The following SUN1 variants were observed in gnomAD, a reference collection of about 807,000 sequenced individuals.
SUN1 encodes the protein SUN domain-containing protein 1.
SUN1 carries 61 observed loss-of-function variants against 103.2 expected under a neutral mutation model. The ratio of observed to expected loss-of-function variants is 0.59; its 90% CI spans 0.48 to 0.73. SUN1 has a LOEUF of 0.73. Ranked by LOEUF, SUN1 falls within the 30% of genes least tolerant of loss-of-function variation. The pLI, the probability that SUN1 is intolerant of heterozygous loss-of-function variation, is 0.00. For synonymous variants in SUN1, 490 were observed against 425.7 expected (o/e 1.15, Z -1.86); for missense variants, 1,052 against 1,034.6 (o/e 1.02, Z -0.23).
chr7:827,475 T>TTTG (rs1793398613), intron 1 of SUN1, among the ~76,000 whole-genome samples: 2 of 142,880 alleles, frequency 1.4e-5, no homozygotes, highest in African/African-American at 5.1e-5. Flanking sequence ...CGTTTTTTTT[T>TTTG]TTTTTTTTTT....
intron 1 of SUN1, chr7:816,691 C>G: frequency 5.4e-6 from 1 of 184,480 alleles, no homozygotes; most frequent in Non-Finnish European, 1.1e-5. Context: ...CCCGGCGGGC[C>G]GGGCCAAGGG....
chr7:816,142 A>G, upstream of SUN1: 1 of 227,848 alleles, frequency 4.4e-6, no homozygotes, highest in Non-Finnish European at 7.4e-6. Context: ...CCCCTCCCCA[A>G]CGTAGACCGC....
intron 5 of SUN1, among the ~76,000 whole-genome samples, chr7:847,338 G>T (rs1229722274): frequency 6.6e-6 from 1 of 150,786 alleles, no homozygotes; most frequent in Admixed American, 6.6e-5. Flanking sequence ...TCCCCTGGGG[G>T]TTACCCCGCA....
intron 1 of SUN1, among the ~76,000 whole-genome samples, chr7:824,565 T>A (rs958843039): frequency 1.3e-5 from 2 of 152,256 alleles, no homozygotes; most frequent in African/African-American, 4.8e-5. Flanking sequence ...GCTGAAACAC[T>A]GTGATGACCA....
At position 873,118 on chromosome 7, in the gene SUN1, C is replaced by T. The variant is rs4722034; in HGVS notation, c.2242-97C>T. 870,989 of 1,127,236 alleles carry T rather than the reference C, an allele frequency of 0.77. 337,676 individuals carry two copies. Among genetic ancestry groups the T allele is most frequent in the Admixed American group, 0.86 (48,078 of 55,676 alleles). 69.8% of individuals were successfully genotyped at this position (1,127,236 alleles called of 1,614,324 possible). ...AACAACAAAAGGTTAATTTCCAACTCAGCTGCTTCCTGTCAGACGTCATAT... is the reference window on the plus strand; with the variant it reads ...AACAACAAAAGGTTAATTTCCAACTTAGCTGCTTCCTGTCAGACGTCATAT... On this transcript the variant is annotated intron_variant, in intron 18 of 18. Coordinates refer to ENST00000401592, the MANE Select transcript of SUN1 (RefSeq NM_001130965.3).
chr7:865,924 CTG>C, intron 15 of SUN1, 26 bp from the exon 16 acceptor site: 1 of 1,601,184 alleles, frequency 6.2e-7, no homozygotes, highest in Non-Finnish European at 8.6e-7. Context: ...GAACTGGACA[CTG>C]AGACCGATCT....
intron 1 of SUN1, among the ~76,000 whole-genome samples, chr7:827,036 T>C (rs1283240015): frequency 1.3e-5 from 2 of 152,202 alleles, no homozygotes; most frequent in Non-Finnish European, 2.9e-5. Flanking sequence ...TTTGTTTTTG[T>C]TTTTGAGATG....
intron 1 of SUN1, among the ~76,000 whole-genome samples, chr7:835,259 G>T (rs995451889): frequency 6.6e-6 from 1 of 152,196 alleles, no homozygotes; most frequent in Non-Finnish European, 1.5e-5. Flanking sequence ...TCCCCAGCCC[G>T]CTGTCCTGCA....
At chr7:842,698 G>T in intron 3 of SUN1, 1 of 190,664 alleles carries the variant, frequency 5.2e-6, no homozygotes, top group Non-Finnish European at 1.1e-5. Context: ...GCATGGTAAG[G>T]GGCGCCCAGC....
chr7:822,089 A>T (rs1323492058), intron 1 of SUN1, among the ~76,000 whole-genome samples: 2 of 152,202 alleles, frequency 1.3e-5, no homozygotes, highest in Non-Finnish European at 2.9e-5. Context: ...CTGCTACATC[A>T]CATTTGAAGC....
intron 1 of SUN1, among the ~76,000 whole-genome samples, chr7:837,908 G>A (rs1464199818): frequency 2.6e-5 from 4 of 152,228 alleles, no homozygotes; most frequent in Admixed American, 2.6e-4. Context: ...AGATGACACT[G>A]AAATTCTGTC....
chr7:860,286 C>CGTCACCCA lies in SUN1; in HGVS notation c.1684_1691dup (p.His564GlnfsTer8). Reference sequence around the variant, plus strand: ...ACCTGCAGCTGCAGATCCTGCGGAACGTCACCCACCACGTTTCCGTGACCA... The same window carrying CGTCACCCA: ...ACCTGCAGCTGCAGATCCTGCGGAACGTCACCCAGTCACCCACCACGTTTCCGTGACCA... On this transcript the variant is annotated frameshift_variant, in exon 14 of 19. Coordinates refer to ENST00000401592, the MANE Select transcript of SUN1 (RefSeq NM_001130965.3). LOFTEE classifies it high-confidence loss of function. 6.2e-7 allele frequency: 1 copy of CGTCACCCA among 1,614,262 alleles called. No individual in the cohort carries two copies. The highest frequency in any genetic ancestry group is 8.5e-7 in the Non-Finnish European group (1 of 1,180,040).
Position 850,356 on chromosome 7 carries a change from AC to A in SUN1, c.659-1025del, listed in dbSNP as rs200517319. The A allele has an allele frequency of 7.4e-3, 1,940 of 263,480 alleles. 53 individuals carry two copies. The highest frequency in any genetic ancestry group is 0.041 in the African/African-American group (1,839 of 45,148). The allele number at this position is 263,480 out of a possible 1,614,324, so 16.3% of individuals were successfully genotyped here. A position where few individuals can be genotyped will look rare whatever the true frequency, so the allele number is the denominator to read the frequency against. ...TGGGACTACAGGCGCACACCACCACACCCAGATAATTTTTTTGTATTTTTAG... is the reference window on the plus strand; with the variant it reads ...TGGGACTACAGGCGCACACCACCACACCAGATAATTTTTTTGTATTTTTAG... On this transcript the variant is annotated intron_variant, in intron 5 of 18. Coordinates refer to ENST00000401592, the MANE Select transcript of SUN1 (RefSeq NM_001130965.3).
Position 838,966 on chromosome 7 carries a change from C to G in SUN1, c.246C>G (p.Ser82=). Residue 82 remains serine (S), a synonymous_variant, in exon 2 of 19, where the codon TCC becomes TCG. Transcript: ENST00000401592. The stretch of plus-strand genomic sequence containing the variant: ...ACAGCGGCACCAGCAGCGCTGTCTC[C>G]CTGAAGAACCGAGCGGCCAGGTGAG... ...GADSGTSSAV[S]LKNRAARTTK... 6.3e-7 allele frequency: 1 copy of G among 1,596,122 alleles called. No homozygotes were observed. Among genetic ancestry groups the G allele is most frequent in the East Asian group, 2.2e-5 (1 of 44,494 alleles).
At chr7:823,570 G>A (rs528961803) in intron 1 of SUN1, among the ~76,000 whole-genome samples, 67 of 152,288 alleles carry the variant, frequency 4.4e-4, no homozygotes, top group South Asian at 2.3e-3. Flanking sequence ...TCTAAGGCAC[G>A]GATGGGAAGT....
At chr7:847,498 G>T (rs1455422436) in intron 5 of SUN1, among the ~76,000 whole-genome samples, 1 of 103,332 alleles carries the variant, frequency 9.7e-6, no homozygotes, top group African/African-American at 3.8e-5. Context: ...CCACAGCGCC[G>T]TGCGCCAGCG....
At chr7:849,871 CAG>C (rs1820225831) in intron 5 of SUN1, 12 of 1,544,056 alleles carry the variant, frequency 7.8e-6, no homozygotes, top group Middle Eastern at 1.7e-4. Flanking sequence ...CTGAGATGGA[CAG>C]AGTTTGCTTG....
chr7:833,619 T>C (rs1800020413), intron 1 of SUN1, among the ~76,000 whole-genome samples: 1 of 152,188 alleles, frequency 6.6e-6, no homozygotes, highest in Admixed American at 6.5e-5. Flanking sequence ...TCTCAGTGGG[T>C]TATCCTCTAA....
At chr7:846,740 G>T (rs1340280720) in intron 5 of SUN1, among the ~76,000 whole-genome samples, 1 of 152,080 alleles carries the variant, frequency 6.6e-6, no homozygotes, top group Non-Finnish European at 1.5e-5. Flanking sequence ...AGCTGGGCAT[G>T]GTGGCATGTG....
Sources: allele counts gnomAD v4.1 joint callset (sites outside exome capture counted in the v4.1 genomes callset), GRCh38; gene constraint gnomAD v4.1.1; transcripts MANE v1.5; gene names NCBI Gene and HGNC (gene_info 2026-07-23, HGNC 2026-07-21).